Variants in ZNF248 observed in about 807,000 individuals in gnomAD.
ZNF248 encodes the protein zinc finger protein 248.
ZNF248 carries 20 observed loss-of-function variants against 44.3 expected under a neutral mutation model. The observed-to-expected ratio is 0.45, with a 90% confidence interval of 0.32 to 0.66. The LOEUF (loss-of-function observed/expected upper bound fraction) is 0.66, where lower values mean the gene tolerates loss of function less well. ZNF248 is among the 30% of genes least tolerant of loss of function. The pLI, the probability that ZNF248 is intolerant of heterozygous loss-of-function variation, is 0.04. For synonymous variants in ZNF248, 224 were observed against 229.0 expected, an observed-to-expected ratio of 0.98 and a Z score of 0.20; for missense variants, 654 against 677.0, an observed-to-expected ratio of 0.97 and a Z score of 0.38.
chr10:37,780,735 C>A (rs990459868), intron 6 of ZNF248, among the ~76,000 whole-genome samples: 1 of 152,106 alleles, frequency 6.6e-6, no homozygotes, highest in Non-Finnish European at 1.5e-5. Flanking sequence ...TTGCGATCCC[C>A]GGCCACCCTC....
chr10:37,844,236 C>G (rs1333904952), intron 3 of ZNF248, among the ~76,000 whole-genome samples: 1 of 152,094 alleles, frequency 6.6e-6, no homozygotes, highest in Admixed American at 6.5e-5. Flanking sequence ...AATAAAAATC[C>G]TGCCAGCCAG....
At position 37,857,597 on chromosome 10, in the gene ZNF248, T is replaced by G. The variant is rs1385412815; in HGVS notation, c.-538A>C. ...TGTCGCGGACCTGGCGCAGTCGCTCTCCCCCGCAGCCCCGCCTCCTCCCCG... is the reference window on the plus strand; with the variant it reads ...TGTCGCGGACCTGGCGCAGTCGCTCGCCCCCGCAGCCCCGCCTCCTCCCCG... On this transcript the variant is annotated 5_prime_UTR_variant, in exon 1 of 6. Transcript: ENST00000395867. The G allele has an allele frequency of 1.3e-5, 2 of 152,220 alleles. No individual in the cohort carries two copies. Among genetic ancestry groups the G allele is most frequent in the Non-Finnish European group, 2.9e-5 (2 of 68,104 alleles). 9.4% of individuals were successfully genotyped at this position (152,220 alleles called of 1,614,324 possible). A position where few individuals can be genotyped will look rare whatever the true frequency, so the allele number is the denominator to read the frequency against.
chr10:37,798,952 A>G (rs751532289), intron 6 of ZNF248, among the ~76,000 whole-genome samples: 1 of 152,132 alleles, frequency 6.6e-6, no homozygotes, highest in Non-Finnish European at 1.5e-5. Context: ...GCTATATAGT[A>G]TCTAGTAATA....
chr10:37,837,877 A>G (rs958332925), intron 4 of ZNF248, 108 bp downstream of exon 4: 1 of 1,462,480 alleles, frequency 6.8e-7, no homozygotes, highest in African/African-American at 1.4e-5. Flanking sequence ...GCCAAATGGG[A>G]TCAGTCATCT....
rs200809802 is a variant in ZNF248, at chr10:37,837,648, T to C, written c.207A>G (p.Leu69=). ...GGCACTGGCTTGGGAATCCTTTTTC[T>C]AATATCCAGGGCTCTTCTCCTTGCT... is the stretch of plus-strand genomic sequence containing the variant. ...KIEQGEEPWI[L]EKGFPSQCHP... Residue 69 remains leucine, a synonymous_variant, in exon 5 of 6, where the codon TTA becomes TTG. Transcript: ENST00000395867. 6.2e-7 allele frequency: 1 copy of C among 1,614,096 alleles called. No homozygotes were observed.
At chr10:37,803,135 T>G (rs2050034680) in intron 6 of ZNF248, 1 of 152,226 alleles carries the variant, frequency 6.6e-6, no homozygotes, top group African/African-American at 2.4e-5. Flanking sequence ...TAATTAGTTA[T>G]TTTCTGAGTA....
Position 37,831,495 on chromosome 10 carries a change from CT to C in ZNF248, c.*119del. The C allele has an allele frequency of 6.8e-7, 1 of 1,465,234 alleles. No homozygotes were observed. 90.8% of individuals were successfully genotyped at this position (1,465,234 alleles called of 1,614,324 possible). A position where few individuals can be genotyped will look rare whatever the true frequency, so the allele number is the denominator to read the frequency against. On this transcript the variant is annotated 3_prime_UTR_variant, in exon 6 of 6. Coordinates refer to ENST00000395867, the MANE Select transcript of ZNF248 (RefSeq NM_021045.3). The stretch of plus-strand genomic sequence containing the variant: ...GAAAAGTTTTAATTTTTCTTGAAAG[CT>C]TTTACATATTCAAACAAGAAGTCAT...
rs140639741 is a variant in ZNF248 at position 37,822,323 on chromosome 10, G to A, written c.330+10702C>T. ...AAAACATTTAAATAAAGCTGAAAAC[G>A]AGAACAACAATTAAAGTGTCATCTC... is the stretch of plus-strand genomic sequence containing the variant. On this transcript the variant is annotated intron_variant, in intron 6 of 6. Transcript: ENST00000615949. Among the ~76,000 whole-genome samples the A allele has an allele frequency of 6.6e-3, 1,001 of 152,130 alleles. 8 individuals are homozygous for A. Among genetic ancestry groups the A allele is most frequent in the African/African-American group, 0.022 (893 of 41,502 alleles).
At chr10:37,819,160 G>A (rs182094033) in intron 6 of ZNF248, 26 of 787,236 alleles carry the variant, frequency 3.3e-5, no homozygotes, top group African/African-American at 3.1e-4. Context: ...AGTGTATGAT[G>A]GGAGGTTTTA....
chr10:37,764,419 C>T, the ZNF248 span, among the ~76,000 whole-genome samples: 16,559 of 152,224 alleles, frequency 0.11, 1,163 homozygotes, highest in Admixed American at 0.19. Flanking sequence ...TTTAATTTCA[C>T]CCCAGTCCTG....
chr10:37,815,601 T>G (rs2052318939), intron 6 of ZNF248, among the ~76,000 whole-genome samples: 1 of 152,124 alleles, frequency 6.6e-6, no homozygotes. Flanking sequence ...TTAATTTGTC[T>G]GGTAAGCCCA....
Position 37,838,124 on chromosome 10 carries a change from A to T in ZNF248, c.16-13T>A. The T allele has an allele frequency of 6.2e-7, 1 of 1,604,546 alleles. No homozygotes were observed. The highest frequency in any genetic ancestry group is 8.5e-7 in the Non-Finnish European group (1 of 1,174,650). ...ATGACACTTGTTCCTGTAATAGTAT[A>T]CTCTTTTTACATGAAATGGTCAGAA... On this transcript the variant is annotated splice_polypyrimidine_tract_variant and intron_variant, in intron 3 of 5. Transcript: ENST00000395867.
chr10:37,770,352 T>A, the ZNF248 span, among the ~76,000 whole-genome samples: 3 of 151,908 alleles, frequency 2.0e-5, no homozygotes, highest in Non-Finnish European at 4.4e-5. Context: ...CCAGAGGCAT[T>A]ACGCTACCTG....
chr10:37,829,962 G>A lies in ZNF248; in HGVS notation c.*1653C>T, dbSNP rs1589594991. On this transcript the variant is annotated 3_prime_UTR_variant, in exon 6 of 6. Transcript: ENST00000395867. ...TAAAATTTAGCTCAGCAAGGATGAA[G>A]TAGGGAATGGCCATCATGTGGGCAG... The A allele has an allele frequency of 4.1e-6, 4 of 985,408 alleles. No homozygotes were observed. The East Asian group carries it at 3.4e-4, about 84-fold the overall frequency. The allele number at this position is 985,408 out of a possible 1,614,324, so 61.0% of individuals were successfully genotyped here. A position where few individuals can be genotyped will look rare whatever the true frequency, so the allele number is the denominator to read the frequency against.
At chr10:37,796,478 G>A (rs1232871396) in intron 6 of ZNF248, among the ~76,000 whole-genome samples, 1 of 151,628 alleles carries the variant, frequency 6.6e-6, no homozygotes, top group African/African-American at 2.4e-5. Context: ...CTCAGCCTCC[G>A]AAAGTGCTGG....
chr10:37,768,799 T>TA, the ZNF248 span, among the ~76,000 whole-genome samples: 23 of 151,766 alleles, frequency 1.5e-4, no homozygotes, highest in Admixed American at 1.3e-4. Context: ...AATAGAGACA[T>TA]AAAAAACCCT....
In ZNF248 at chr10:37,807,097, T is replaced by C. The variant is rs530911738; in HGVS notation, c.330+25928A>G. The stretch of plus-strand genomic sequence containing the variant: ...CTCCAAGGTTCAAGTGATTCTCCTG[T>C]CTCAGCCTCCCGAGTAGCTGGGATT... On this transcript the variant is annotated intron_variant, in intron 6 of 6. Transcript: ENST00000615949. 4.6e-5 allele frequency among the ~76,000 whole-genome samples: 7 copies of C among 152,070 alleles called. No homozygotes were observed. In the South Asian group the frequency reaches 1.5e-3, roughly 32 times the overall value.
intron 6 of ZNF248, chr10:37,794,128 T>C (rs2048874138): frequency 6.6e-6 from 1 of 152,242 alleles, no homozygotes; most frequent in African/African-American, 2.4e-5. Flanking sequence ...ATGGATTTAA[T>C]TTTGGAGTTT....
chr10:37,822,346 C>T (rs2053613162), intron 6 of ZNF248, among the ~76,000 whole-genome samples: 1 of 152,146 alleles, frequency 6.6e-6, no homozygotes, highest in African/African-American at 2.4e-5. Context: ...AAAGTGTCAT[C>T]TCCATGACTG....
Sources: gnomAD v4.1 joint callset for allele counts (sites outside exome capture counted in the v4.1 genomes callset) on GRCh38, gnomAD v4.1.1 for gene constraint, MANE v1.5 for transcripts, NCBI Gene and HGNC (gene_info 2026-07-23, HGNC 2026-07-21) for gene names.